DTNA: variants seen among roughly 807,000 people sequenced by gnomAD.
DTNA encodes the protein dystrophin-related protein 3.
A neutral mutation model predicts 100.7 loss-of-function variants in DTNA; 43 were observed. That is an observed-to-expected ratio of 0.43 (90% CI 0.33 to 0.55). The LOEUF (loss-of-function observed/expected upper bound fraction) is 0.55. Ranked by LOEUF, DTNA falls within the 20% of genes least tolerant of loss-of-function variation. The pLI is 0.04. For synonymous variants in DTNA, 349 were observed against 347.9 expected (o/e 1.00, Z -0.04); for missense variants, 798 against 953.9 (o/e 0.84, Z 2.15).
intron 8 of DTNA, 137 bp downstream of exon 8, chr18:34,818,467 TCCCACTCTCCA>T (rs2095641828): frequency 6.5e-7 from 1 of 1,535,610 alleles, no homozygotes; most frequent in East Asian, 2.5e-5. Context: ...TCCCCCTTCC[TCCCACTCTCCA>T]CCCTACTGCG....
At chr18:34,825,332 G>C (rs1013575249) in intron 9 of DTNA, 1 of 1,607,410 alleles carries the variant, frequency 6.2e-7, no homozygotes, top group African/African-American at 1.3e-5. Context: ...ATGATCATAA[G>C]TGGGGATGAG....
At chr18:34,525,252 T>A (rs1372443274) in intron 1 of DTNA, among the ~76,000 whole-genome samples, 2 of 152,042 alleles carry the variant, frequency 1.3e-5, no homozygotes, top group African/African-American at 4.8e-5. Flanking sequence ...TTCAGGGAGA[T>A]CCATAGTAAT....
At chr18:34,560,295 C>T (rs1021268126) in intron 1 of DTNA, among the ~76,000 whole-genome samples, 1 of 152,118 alleles carries the variant, frequency 6.6e-6, no homozygotes, top group Non-Finnish European at 1.5e-5. Flanking sequence ...TACCATAATG[C>T]CAGGAACATA....
At chr18:34,583,488 C>A (rs2048831279) in intron 1 of DTNA, among the ~76,000 whole-genome samples, 1 of 151,668 alleles carries the variant, frequency 6.6e-6, no homozygotes, top group Admixed American at 6.6e-5. Context: ...CCCTCTCCCT[C>A]CTAAAGGAAC....
intron 10 of DTNA, among the ~76,000 whole-genome samples, chr18:34,827,903 A>G (rs754087300): frequency 6.6e-6 from 1 of 152,128 alleles, no homozygotes; most frequent in African/African-American, 2.4e-5. Context: ...TTTATAATTT[A>G]CCCACAGTAA....
At chr18:34,603,935 A>C (rs2052475994) in intron 1 of DTNA, among the ~76,000 whole-genome samples, 1 of 152,248 alleles carries the variant, frequency 6.6e-6, no homozygotes, top group South Asian at 2.1e-4. Context: ...AGTTTCAAAA[A>C]AAAGCTCTAC....
At chr18:34,825,370 T>C in intron 9 of DTNA, 1 of 1,495,582 alleles carries the variant, frequency 6.7e-7, no homozygotes, top group Non-Finnish European at 9.3e-7. Flanking sequence ...AATATGAGGC[T>C]AGTTTAGAAC....
chr18:34,647,428 C>T lies in DTNA; in HGVS notation c.-1-108548C>T, dbSNP rs74591461. ...GAAAAATGGCATAGAAAAAGGGCAG[C>T]TTTACAGGAGCAGGCGCCTAGAAGT... On this transcript the variant is annotated intron_variant, in intron 1 of 19. Transcript: ENST00000283365. Among the ~76,000 whole-genome samples, 298 of 152,234 alleles carry T rather than the reference C, an allele frequency of 2.0e-3. 2 individuals are homozygous for T. The highest frequency in any genetic ancestry group is 6.9e-3 in the African/African-American group (285 of 41,538).
chr18:34,612,634 T>A (rs895134042), intron 1 of DTNA, among the ~76,000 whole-genome samples: 2 of 152,196 alleles, frequency 1.3e-5, no homozygotes, highest in Non-Finnish European at 2.9e-5. Flanking sequence ...TGTGATTAGC[T>A]ATATTGAAAA....
In DTNA at chr18:34,774,206, G is replaced by A. The variant is rs73946181; in HGVS notation, c.148+8165G>A. ...CCCAACCCTATCTAACAGGTGCCAA[G>A]GCAAGATTCGATGACCTTCCCCTGG... On this transcript the variant is annotated intron_variant, in intron 3 of 22. Transcript: ENST00000444659. Among the ~76,000 whole-genome samples, 915 of 152,356 alleles carry A rather than the reference G, an allele frequency of 6.0e-3. 11 individuals carry two copies. The highest frequency in any genetic ancestry group is 0.021 in the African/African-American group (880 of 41,590).
At chr18:34,703,736 G>A (rs1239693969) in intron 1 of DTNA, among the ~76,000 whole-genome samples, 1 of 152,134 alleles carries the variant, frequency 6.6e-6, no homozygotes, top group Non-Finnish European at 1.5e-5. Flanking sequence ...CAATTTATAT[G>A]AAATTTGTTC....
intron 1 of DTNA, among the ~76,000 whole-genome samples, chr18:34,691,943 ATAGACTTT>A (rs761702571): frequency 2.6e-5 from 4 of 152,248 alleles, no homozygotes; most frequent in Admixed American, 6.5e-5. Flanking sequence ...TTGAATGCAC[ATAGACTTT>A]TGGGTTATTT....
At chr18:34,654,765 C>T (rs1178854692) in intron 1 of DTNA, among the ~76,000 whole-genome samples, 2 of 151,784 alleles carry the variant, frequency 1.3e-5, no homozygotes, top group Non-Finnish European at 2.9e-5. Context: ...TTTGCTCTGT[C>T]ACCCAGGCTG....
chr18:34,888,162 G>A lies in DTNA; in HGVS notation c.*428G>A. On this transcript the variant is annotated 3_prime_UTR_variant, in exon 23 of 23. Transcript: ENST00000444659. Reference sequence around the variant, plus strand: ...ATTTTAAACCTTTGCACATGATATTGAACCTGTTCAGTTTACAATGACAAT... The same window carrying A: ...ATTTTAAACCTTTGCACATGATATTAAACCTGTTCAGTTTACAATGACAAT... 2.0e-6 allele frequency: 2 copies of A among 985,794 alleles called. No homozygotes were observed. Among genetic ancestry groups the A allele is most frequent in the Non-Finnish European group, 2.4e-6 (2 of 829,932 alleles). 61.1% of individuals were successfully genotyped at this position (985,794 alleles called of 1,614,324 possible).
rs2096854940 is a variant in DTNA, at chr18:34,879,858, T to C, written c.2162+139T>C. 5.5e-6 allele frequency: 6 copies of C among 1,081,914 alleles called. No homozygotes were observed. In the East Asian group the frequency reaches 1.3e-4, roughly 23 times the overall value. The allele number at this position is 1,081,914 out of a possible 1,614,324, so 67.0% of individuals were successfully genotyped here. ...ATAGTTTTCTGTTCTGCCAGAGATA[T>C]AGAAGGGTGCTACATTTAAATTCGG... On this transcript the variant is annotated intron_variant, in intron 20 of 22. Transcript: ENST00000444659.
chr18:34,576,610 C>T (rs1366633381), intron 1 of DTNA, among the ~76,000 whole-genome samples: 3 of 152,066 alleles, frequency 2.0e-5, no homozygotes, highest in African/African-American at 4.8e-5. Flanking sequence ...AGGCACATGC[C>T]GCCATGCCCG....
chr18:34,839,040 A>G (rs890431094), intron 13 of DTNA, among the ~76,000 whole-genome samples: 13 of 152,202 alleles, frequency 8.5e-5, no homozygotes, highest in African/African-American at 2.9e-4. Context: ...CCTTGTTTAT[A>G]TATTAGCTAA....
intron 1 of DTNA, among the ~76,000 whole-genome samples, chr18:34,531,315 G>A (rs940365434): frequency 6.6e-6 from 1 of 152,080 alleles, no homozygotes; most frequent in African/African-American, 2.4e-5. Context: ...CTAGCTGGCT[G>A]TGTGACTTTA....
At chr18:34,691,158 T>C (rs750082745) in intron 1 of DTNA, among the ~76,000 whole-genome samples, 1 of 152,226 alleles carries the variant, frequency 6.6e-6, no homozygotes, top group African/African-American at 2.4e-5. Context: ...ATAGCACACC[T>C]ATATTAACAG....
Sources: allele counts gnomAD v4.1 joint callset (sites outside exome capture counted in the v4.1 genomes callset), GRCh38; gene constraint gnomAD v4.1.1; transcripts MANE v1.5; gene names NCBI Gene and HGNC (gene_info 2026-07-23, HGNC 2026-07-21).